IGHMBP2: variants seen among roughly 807,000 people sequenced by gnomAD.
IGHMBP2 encodes DNA-binding protein SMUBP-2.
Under a neutral mutation model 96.0 loss-of-function variants are expected in IGHMBP2, and 81 were observed. The observed-to-expected ratio is 0.84, with a 90% CI of 0.71 to 1.01. The LOEUF (loss-of-function observed/expected upper bound fraction) is 1.01. Ranked by LOEUF, IGHMBP2 falls within the 50% of genes least tolerant of loss-of-function variation. The pLI, the probability that IGHMBP2 is intolerant of heterozygous loss-of-function variation, is 0.00. For missense variants in IGHMBP2, 1,227 were observed against 1,306.3 expected (o/e 0.94, Z 0.94); for synonymous variants, 557 against 548.9 (o/e 1.01, Z -0.21).
At chr11:68,907,839 G>A (rs889596030) in intron 2 of IGHMBP2, among the ~76,000 whole-genome samples, 2 of 151,972 alleles carry the variant, frequency 1.3e-5, no homozygotes, top group East Asian at 1.9e-4. Context: ...ACAGGTGCCC[G>A]CCACCACGCC....
chr11:68,929,731 T>C, intron 8 of IGHMBP2: 2 of 985,316 alleles, frequency 2.0e-6, no homozygotes, highest in Non-Finnish European at 2.4e-6. Context: ...GTGGGTTCTT[T>C]AGTCTTCAAT....
At chr11:68,938,455 T>A in intron 14 of IGHMBP2, 101 bp downstream of exon 14, 1 of 1,065,664 alleles carries the variant, frequency 9.4e-7, no homozygotes, top group Non-Finnish European at 1.4e-6. Context: ...TCGGAACAGT[T>A]AGCTCCTTAC....
At position 68,903,909 on chromosome 11, in the gene IGHMBP2, A is replaced by G. The variant is rs909298560; in HGVS notation, c.-44A>G. 2 of 1,605,750 alleles carry G rather than the reference A, an allele frequency of 1.2e-6. No individual in the cohort carries two copies. Among genetic ancestry groups the G allele is most frequent in the South Asian group, 1.1e-5 (1 of 90,320 alleles). On this transcript the variant is annotated 5_prime_UTR_variant, in exon 1 of 15. Transcript: ENST00000255078. ...GTCCGCTGTAACACCGGCCCGGCGC[A>G]GAAGCGGGACGTCGGCTTCTAGGGG...
At chr11:68,920,346 A>T (rs1490093042) in intron 7 of IGHMBP2, among the ~76,000 whole-genome samples, 1 of 152,226 alleles carries the variant, frequency 6.6e-6, no homozygotes, top group Non-Finnish European at 1.5e-5. Flanking sequence ...ATCCTCCCAC[A>T]TTGACCTCCT....
intron 7 of IGHMBP2, 105 bp from the exon 8 acceptor site, chr11:68,929,078 G>T: frequency 9.3e-7 from 1 of 1,071,970 alleles, no homozygotes; most frequent in Non-Finnish European, 1.4e-6. Context: ...CAGTTGCAAT[G>T]CAAGCCTTGA....
chr11:68,924,963 G>A (rs1288488082), intron 7 of IGHMBP2, among the ~76,000 whole-genome samples: 1 of 148,692 alleles, frequency 6.7e-6, no homozygotes, highest in Non-Finnish European at 1.5e-5. Context: ...TTGTCTCTGT[G>A]TTTTTTTTTT....
intron 6 of IGHMBP2, 123 bp from the exon 7 acceptor site, chr11:68,917,613 T>C: frequency 1.2e-6 from 1 of 810,904 alleles, no homozygotes; most frequent in Non-Finnish European, 2.1e-6. Context: ...TCAAGGAAGA[T>C]TTCTGAGTGT....
intron 4 of IGHMBP2, 141 bp downstream of exon 4, chr11:68,908,772 C>T (rs938905320): frequency 1.7e-5 from 11 of 656,586 alleles, no homozygotes; most frequent in Middle Eastern, 2.6e-4. Flanking sequence ...AGGAGTGTCT[C>T]GGAGGGCCTT....
Position 68,936,368 on chromosome 11 carries a change from T to G in IGHMBP2, c.1888T>G (p.Phe630Val). 5.0e-6 allele frequency: 8 copies of G among 1,614,128 alleles called. No individual in the cohort carries two copies. Among genetic ancestry groups the G allele is most frequent in the Non-Finnish European group, 5.9e-6 (7 of 1,180,012 alleles). The change falls in exon 13 of 15, where the codon TTC (phenylalanine) becomes GTC (valine). Residue 630 changes from phenylalanine to valine, a missense_variant. Physicochemically the swap from Phe to Val is conservative, Grantham distance 50 (BLOSUM62 -1). This residue lies in a region of IGHMBP2 where 703 missense variants were observed against 770.3 expected (regional missense o/e 0.91). Transcript: ENST00000255078. ...ATTTTTGAAGACCCTGGTGGAGTAT[T>G]TCACACAGCATGGGGAAGTACGCAC... ...HAFLKTLVEY[F>V]TQHGEVRTAF... is the part of the protein sequence containing the mutation.
chr11:68,929,520 G>T (rs527329305), intron 8 of IGHMBP2, among the ~76,000 whole-genome samples, 163 bp downstream of exon 8: 10 of 152,164 alleles, frequency 6.6e-5, no homozygotes, highest in Non-Finnish European at 8.8e-5. Flanking sequence ...TCTCAACGTC[G>T]CATCTGTGAG....
chr11:68,908,176 T>G lies in IGHMBP2; in HGVS notation c.288T>G (p.Asn96Lys). Residue 96 changes from asparagine to lysine, a missense_variant, in exon 3 of 15, where the codon AAT (asparagine) becomes AAG (lysine). By Grantham distance (94) the Asn-to-Lys change is moderately conservative (BLOSUM62 0). Around this residue, in one of 3 missense-constraint regions of IGHMBP2, gnomAD observed 507 missense variants for 496.9 expected, o/e 1.02. Transcript: ENST00000255078. ...GDIVGLYDAA[N>K]EGSQLATGIL... is the part of the protein sequence containing the mutation. ...TCGTGGGCCTGTACGATGCTGCTAA[T>G]GAGGGCAGTCAGCTGGCCACTGGGA... 1 of 1,614,114 alleles carries G rather than the reference T, an allele frequency of 6.2e-7. No homozygotes were observed. The highest frequency in any genetic ancestry group is 1.1e-5 in the South Asian group (1 of 91,078).
At chr11:68,909,187 G>T (rs1392801322) in intron 4 of IGHMBP2, among the ~76,000 whole-genome samples, 1 of 56,548 alleles carries the variant, frequency 1.8e-5, no homozygotes, top group African/African-American at 6.2e-5. Flanking sequence ...GGGGGGGGTG[G>T]AGGGGGGGGG....
chr11:68,931,719 A>G (rs552688065), intron 8 of IGHMBP2, among the ~76,000 whole-genome samples: 1 of 152,106 alleles, frequency 6.6e-6, no homozygotes, highest in African/African-American at 2.4e-5. Flanking sequence ...AGCAGGGAGG[A>G]CAGGCGTGGG....
chr11:68,928,438 C>T (rs983545588), intron 7 of IGHMBP2, among the ~76,000 whole-genome samples: 2 of 152,242 alleles, frequency 1.3e-5, no homozygotes, highest in African/African-American at 4.8e-5. Flanking sequence ...TTCATCATGG[C>T]ATTATGTACA....
intron 7 of IGHMBP2, among the ~76,000 whole-genome samples, chr11:68,919,043 A>G (rs115812083): frequency 0.015 from 2,292 of 152,212 alleles, 55 homozygotes; most frequent in African/African-American, 0.053. Context: ...GCATCCCACA[A>G]ATTCTGATCT....
At chr11:68,905,984 T>C in intron 1 of IGHMBP2, 85 bp from the exon 2 acceptor site, 1 of 1,337,230 alleles carries the variant, frequency 7.5e-7, no homozygotes, top group Non-Finnish European at 1.1e-6. Context: ...TCTTTATCTA[T>C]GTTTCTTTCT....
chr11:68,904,771 C>T (rs1411389176), intron 1 of IGHMBP2, among the ~76,000 whole-genome samples: 1 of 149,070 alleles, frequency 6.7e-6, no homozygotes, highest in Non-Finnish European at 1.5e-5. Flanking sequence ...CCCATGCCAA[C>T]CCTACAGTGT....
intron 13 of IGHMBP2, 95 bp downstream of exon 13, chr11:68,937,186 T>C (rs966502852): frequency 2.0e-6 from 3 of 1,465,010 alleles, no homozygotes; most frequent in African/African-American, 1.4e-5. Flanking sequence ...AAGGAAGGGC[T>C]TCCTCCTGGT....
At chr11:68,918,190 T>A (rs1858741790) in intron 7 of IGHMBP2, among the ~76,000 whole-genome samples, 1 of 152,210 alleles carries the variant, frequency 6.6e-6, no homozygotes. Flanking sequence ...GTTCCTAATA[T>A]GCCCTTATTC....
Sources: allele counts gnomAD v4.1 joint callset (sites outside exome capture counted in the v4.1 genomes callset), GRCh38; gene constraint gnomAD v4.1.1; regional missense constraint gnomAD v4.1.1; transcripts MANE v1.5; gene names NCBI Gene and HGNC (gene_info 2026-07-23, HGNC 2026-07-21).